SLC5A6: variants seen among roughly 807,000 people sequenced by gnomAD.
The protein encoded by SLC5A6 is solute carrier family 5 member 6.
In SLC5A6, 31 loss-of-function variants were observed where a neutral mutation model predicts 67.9. The ratio of observed to expected loss-of-function variants is 0.46; its 90% confidence interval spans 0.34 to 0.62. SLC5A6 has a LOEUF of 0.62. Ranked by LOEUF, SLC5A6 falls within the 20% of genes least tolerant of loss-of-function variation. The pLI is 0.01. For synonymous variants in SLC5A6, 343 were observed against 331.0 expected, an observed-to-expected ratio of 1.04 and a Z score of -0.39; for missense variants, 673 against 812.8, an observed-to-expected ratio of 0.83 and a Z score of 2.09.
chr2:27,206,326 C>T (rs1674062373), intron 5 of SLC5A6, 157 bp downstream of exon 5: 1 of 741,150 alleles, frequency 1.3e-6, no homozygotes, highest in Non-Finnish European at 2.3e-6. Flanking sequence ...GTGGACCAAG[C>T]CTTCCTCTGG....
chr2:27,204,668 G>A, intron 8 of SLC5A6, 78 bp from the exon 9 acceptor site: 2 of 1,600,532 alleles, frequency 1.2e-6, no homozygotes, highest in Non-Finnish European at 8.5e-7. Flanking sequence ...CCTCCAGAAA[G>A]GAGACCCACA....
chr2:27,200,921 G>T (rs952496499), intron 16 of SLC5A6, 77 bp downstream of exon 16: 6 of 942,814 alleles, frequency 6.4e-6, no homozygotes, highest in Non-Finnish European at 1.0e-5. Context: ...GAGAGAAAAG[G>T]GGTAGAAGGG....
intron 2 of SLC5A6, among the ~76,000 whole-genome samples, chr2:27,208,904 C>T (rs1269757649): frequency 2.0e-5 from 3 of 152,296 alleles, no homozygotes; most frequent in South Asian, 2.1e-4. Flanking sequence ...ACTCTTGGCA[C>T]TCTGTGCGGG....
upstream of SLC5A6, chr2:27,212,419 C>T (rs1035238411): frequency 4.5e-6 from 7 of 1,554,694 alleles, no homozygotes; most frequent in East Asian, 2.4e-5. Context: ...CCTGGGCTGC[C>T]GCCCTGCTCC....
intron 14 of SLC5A6, 50 bp downstream of exon 14, chr2:27,201,616 C>T: frequency 6.4e-7 from 1 of 1,566,568 alleles, no homozygotes. Flanking sequence ...CTGTGAAAGC[C>T]CTCAAAGGAG....
intron 2 of SLC5A6, among the ~76,000 whole-genome samples, chr2:27,211,136 CAA>C (rs1182675857): frequency 6.6e-6 from 1 of 152,208 alleles, no homozygotes; most frequent in African/African-American, 2.4e-5. Context: ...CTAACTGTTC[CAA>C]AAAGATTCCC....
At chr2:27,201,532 TGGTCCCAG>T in intron 14 of SLC5A6, 79 bp from the exon 15 acceptor site, 1 of 1,352,498 alleles carries the variant, frequency 7.4e-7, no homozygotes, top group Non-Finnish European at 1.1e-6. Flanking sequence ...CTTGCCCGCA[TGGTCCCAG>T]GGTCTTGGGA....
Position 27,205,357 on chromosome 2 carries a change from C to T in SLC5A6, c.727G>A (p.Gly243Arg). ...AVASQHGRIS[G>R]FELDPDPFVR... ...GAGTAGGGGTATACTTACTCAAACCCAGAGATGCGGCCGTGCTGGGAAGCC... is the reference window on the plus strand; with the variant it reads ...GAGTAGGGGTATACTTACTCAAACCTAGAGATGCGGCCGTGCTGGGAAGCC... The change falls in exon 7 of 17, where the codon GGG becomes AGG. Residue 243 changes from glycine to arginine, a missense_variant. Transcript: ENST00000310574. 1 of 1,614,110 alleles carries T rather than the reference C, an allele frequency of 6.2e-7. No individual in the cohort carries two copies. The highest frequency in any genetic ancestry group is 8.5e-7 in the Non-Finnish European group (1 of 1,180,006).
chr2:27,207,874 A>AGCAT lies in SLC5A6; in HGVS notation c.-140-85_-140-84insATGC. The stretch of plus-strand genomic sequence containing the variant: ...GGCCTTGTACATCGCATGCCATCAG[A>AGCAT]AGTGGACCAGCCAGCATAGTGGTAG... On this transcript the variant is annotated intron_variant, in intron 2 of 16. Transcript: ENST00000310574. This position sits in a 1 kb window ranked among gnomAD's most constrained non-coding sequence, Gnocchi z 5.5. 2 of 576,316 alleles carry AGCAT rather than the reference A, an allele frequency of 3.5e-6. No individual in the cohort carries two copies. Among genetic ancestry groups the AGCAT allele is most frequent in the East Asian group, 2.8e-5 (1 of 35,354 alleles). The allele number at this position is 576,316 out of a possible 1,614,324, so 35.7% of individuals were successfully genotyped here. A position where few individuals can be genotyped will look rare whatever the true frequency, so the allele number is the denominator to read the frequency against.
chr2:27,210,788 C>T (rs1295850472), intron 2 of SLC5A6, among the ~76,000 whole-genome samples: 1 of 151,938 alleles, frequency 6.6e-6, no homozygotes, highest in Non-Finnish European at 1.5e-5. Context: ...CTTTGGGAGG[C>T]CGAGGCGGGC....
Position 27,203,323 on chromosome 2 carries a change from A to T in SLC5A6, c.1117T>A (p.Ser373Thr), listed in dbSNP as rs1673792560. 6 of 1,614,200 alleles carry T rather than the reference A, an allele frequency of 3.7e-6. No homozygotes were observed. The highest frequency in any genetic ancestry group is 5.1e-6 in the Non-Finnish European group (6 of 1,180,024). Residue 373 changes from serine (S) to threonine (T), a missense_variant, in exon 11 of 17, where the codon TCA becomes ACA. Ser to Thr is a moderately conservative substitution (Grantham distance 58). Coordinates refer to ENST00000310574, the MANE Select transcript of SLC5A6 (RefSeq NM_021095.4). ...TCTTCCATCGTAACAGTTGCCAATG[A>T]ATTAAAAGCAGAGGATATAGTGCTG... The part of the protein sequence containing the change: ...SLSTISSAFN[S>T]LATVTMEDLI...
chr2:27,206,367 A>G, intron 5 of SLC5A6, 116 bp downstream of exon 5: 1 of 1,000,278 alleles, frequency 1.0e-6, no homozygotes, highest in Non-Finnish European at 1.5e-6. Flanking sequence ...CAAGCGGTGA[A>G]TTAATTCCCC....
At chr2:27,202,124 T>C (rs1673691191) in intron 12 of SLC5A6, 50 bp from the exon 13 acceptor site, 7 of 1,315,028 alleles carry the variant, frequency 5.3e-6, no homozygotes, top group Middle Eastern at 1.8e-4. Context: ...GACTCAGAGA[T>C]GCCCAGACTC....
At chr2:27,209,912 T>G (rs974127700) in intron 2 of SLC5A6, among the ~76,000 whole-genome samples, 2 of 152,226 alleles carry the variant, frequency 1.3e-5, no homozygotes, top group African/African-American at 4.8e-5. Context: ...TGGTTTAACC[T>G]AAACATGCCC....
intron 2 of SLC5A6, among the ~76,000 whole-genome samples, chr2:27,209,962 C>T (rs903077263): frequency 6.6e-6 from 1 of 152,168 alleles, no homozygotes. Flanking sequence ...TTTTCTCATT[C>T]GTCTTTGGCA....
Position 27,205,311 on chromosome 2 carries a change from G to A in SLC5A6, c.734+39C>T, listed in dbSNP as rs771267492. ...GCCTCTAGGATGGGCTCAGCGCCCA[G>A]GCACTGCAGACCCCAGCCAGGAGTA... On this transcript the variant is annotated intron_variant, in intron 7 of 16. Transcript: ENST00000310574. The A allele has an allele frequency of 1.6e-5, 25 of 1,600,878 alleles. No individual in the cohort carries two copies. In the Admixed American group the frequency reaches 2.6e-4, roughly 17 times the overall value.
intron 8 of SLC5A6, 37 bp downstream of exon 8, chr2:27,204,754 A>G: frequency 6.2e-7 from 1 of 1,613,482 alleles, no homozygotes; most frequent in Non-Finnish European, 8.5e-7. Flanking sequence ...CCCTTCCCCT[A>G]GACCTTGCTC....
intron 7 of SLC5A6, 47 bp from the exon 8 acceptor site, chr2:27,204,978 G>C (rs1246773285): frequency 1.9e-6 from 3 of 1,603,860 alleles, no homozygotes; most frequent in African/African-American, 2.7e-5. Flanking sequence ...GAGAGACACA[G>C]CCTTCCTGCC....
chr2:27,212,327 GGGCCGGGTCGCGC>G (rs1425630063), upstream of SLC5A6: 2 of 1,549,318 alleles, frequency 1.3e-6, no homozygotes, highest in Admixed American at 2.0e-5. Flanking sequence ...CGGGGCCGCG[GGGCCGGGTCGCGC>G]GAGCAGCGGA....
Sources: allele counts gnomAD v4.1 joint callset (sites outside exome capture counted in the v4.1 genomes callset), GRCh38; gene constraint gnomAD v4.1.1; non-coding constraint Gnocchi (gnomAD v3.1); transcripts MANE v1.5; gene names NCBI Gene and HGNC (gene_info 2026-07-23, HGNC 2026-07-21).